Variants in CACNA1B observed in about 807,000 individuals in gnomAD.
CACNA1B encodes voltage-dependent N-type calcium channel subunit alpha-1B.
Under a neutral mutation model 247.2 loss-of-function variants are expected in CACNA1B, and 70 were observed. The ratio of observed to expected loss-of-function variants is 0.28; its 90% CI spans 0.23 to 0.35. CACNA1B has a LOEUF of 0.35. Ranked by LOEUF, CACNA1B falls within the 10% of genes least tolerant of loss-of-function variation. The pLI is 1.00. For synonymous variants in CACNA1B, 1,231 were observed against 1,294.4 expected, an observed-to-expected ratio of 0.95 and a Z score of 1.05; for missense variants, 2,367 against 3,197.4, an observed-to-expected ratio of 0.74 and a Z score of 6.26.
chr9:137,986,723 C>A lies in CACNA1B; in HGVS notation c.1902-59C>A. The A allele has an allele frequency of 6.9e-7, 1 of 1,450,544 alleles. No individual in the cohort carries two copies. The highest frequency in any genetic ancestry group is 9.7e-7 in the Non-Finnish European group (1 of 1,031,500). The allele number at this position is 1,450,544 out of a possible 1,614,324, so 89.9% of individuals were successfully genotyped here. The stretch of plus-strand genomic sequence containing the variant: ...CAGGTTGAGGCCACGCTGGAGCCTG[C>A]AGGCGCTGCCTCGCTGCTGACGGGA... On this transcript the variant is annotated intron_variant, in intron 14 of 46. Transcript: ENST00000371372. This position sits in a 1 kb window ranked among gnomAD's most constrained non-coding sequence, Gnocchi z 6.0.
At chr9:137,951,389 C>T (rs769456028) in intron 6 of CACNA1B, among the ~76,000 whole-genome samples, 6 of 152,128 alleles carry the variant, frequency 3.9e-5, no homozygotes, top group South Asian at 2.1e-4. Context: ...TGGAGATCAG[C>T]GCCCGCTGCA....
chr9:137,915,518 G>C (rs1008626970), intron 5 of CACNA1B, among the ~76,000 whole-genome samples: 1 of 152,062 alleles, frequency 6.6e-6, no homozygotes, highest in Admixed American at 6.6e-5. Flanking sequence ...TTTGTGGCTT[G>C]AACTACAAAC....
At chr9:137,894,302 ATTTTTTTTTTTTT>A (rs56794355) in intron 3 of CACNA1B, among the ~76,000 whole-genome samples, 15 of 96,074 alleles carry the variant, frequency 1.6e-4, no homozygotes, top group African/African-American at 4.3e-4. Context: ...TTGTCTCTGT[ATTTTTTTTTTTTT>A]TTTTTTTTTG....
chr9:138,113,662 T>A (rs1413845322), intron 40 of CACNA1B, among the ~76,000 whole-genome samples: 86 of 61,602 alleles, frequency 1.4e-3, no homozygotes, highest in Admixed American at 2.1e-3. Flanking sequence ...GCCCAACTCC[T>A]CCTTGTGGGA....
Position 138,049,335 on chromosome 9 carries a change from C to T in CACNA1B, c.3710+20C>T. 6.8e-7 allele frequency: 1 copy of T among 1,466,236 alleles called. No homozygotes were observed. Among genetic ancestry groups the T allele is most frequent in the Non-Finnish European group, 9.6e-7 (1 of 1,045,204 alleles). The allele number at this position is 1,466,236 out of a possible 1,614,324, so 90.8% of individuals were successfully genotyped here. A position where few individuals can be genotyped will look rare whatever the true frequency, so the allele number is the denominator to read the frequency against. ...TTTCTCGTAAGTAACGTTCGCTCTGCTCTGGCTAGGGAGAGCCCCCAGAAT... is the reference window on the plus strand; with the variant it reads ...TTTCTCGTAAGTAACGTTCGCTCTGTTCTGGCTAGGGAGAGCCCCCAGAAT... On this transcript the variant is annotated intron_variant, in intron 24 of 46. Transcript: ENST00000371372.
chr9:137,886,581 C>T (rs1288944710), intron 3 of CACNA1B, among the ~76,000 whole-genome samples: 4 of 151,318 alleles, frequency 2.6e-5, no homozygotes, highest in East Asian at 2.0e-4. Flanking sequence ...AACCTCTGCC[C>T]GGTGGCCCAT....
Position 137,909,431 on chromosome 9 carries a change from T to C in CACNA1B, c.531-3749T>C, listed in dbSNP as rs115806394. On this transcript the variant is annotated intron_variant, in intron 3 of 46. Transcript: ENST00000371372. ...GAATTTGCCTCTTCCAGGTACCTCA[T>C]GTAAGTGGGAGCGTATGTTATTTGC... 8.0e-3 allele frequency among the ~76,000 whole-genome samples: 1,222 copies of C among 152,346 alleles called. 15 individuals are homozygous for C. Among genetic ancestry groups the C allele is most frequent in the African/African-American group, 0.028 (1,175 of 41,570 alleles).
chr9:137,975,335 C>T (rs1435438866), intron 11 of CACNA1B, among the ~76,000 whole-genome samples: 2 of 152,128 alleles, frequency 1.3e-5, no homozygotes, highest in African/African-American at 4.8e-5. Context: ...TGGAGGAGGT[C>T]TACCCTCGGG....
At chr9:137,962,851 T>A (rs1266049221) in intron 10 of CACNA1B, among the ~76,000 whole-genome samples, 2 of 152,212 alleles carry the variant, frequency 1.3e-5, no homozygotes, top group East Asian at 3.9e-4. Context: ...GAAGAATGTA[T>A]ATTACGTTGT....
chr9:137,990,804 G>A lies in CACNA1B; in HGVS notation c.1974+3950G>A, dbSNP rs1166088314. Among the ~76,000 whole-genome samples, 1 of 152,204 alleles carries A rather than the reference G, an allele frequency of 6.6e-6. No individual in the cohort carries two copies. On this transcript the variant is annotated intron_variant, in intron 15 of 46. Coordinates refer to ENST00000371372, the MANE Select transcript of CACNA1B (RefSeq NM_000718.4). The surrounding 1 kb of genome is among the most constrained non-coding windows in gnomAD (Gnocchi z 4.5). The stretch of plus-strand genomic sequence containing the variant: ...TCTTGACAGACACTCCCCAGTACCA[G>A]CCTGAAGCCTGGTAGCTCCACTGGG...
chr9:137,994,682 C>T (rs534289439), intron 15 of CACNA1B, among the ~76,000 whole-genome samples: 5 of 152,212 alleles, frequency 3.3e-5, no homozygotes, highest in South Asian at 4.2e-4. Context: ...ACAAGGGAAA[C>T]GACAAAACAC....
intron 3 of CACNA1B, among the ~76,000 whole-genome samples, chr9:137,904,427 T>G (rs1957274837): frequency 6.9e-6 from 1 of 143,920 alleles, no homozygotes; most frequent in Admixed American, 7.3e-5. Context: ...AGTGCAGTGG[T>G]GTGATCATGG....
chr9:137,917,263 C>T lies in CACNA1B; in HGVS notation c.798C>T (p.Phe266=). The part of the protein sequence containing the change: ...NSTDAEPVGD[F]PCGKEAPARL... ...CAGATGCGGAGCCCGTGGGTGACTT[C>T]CCCTGTGGCAAGGAGGCCCCAGCCC... The change falls in exon 6 of 47, where the codon TTC becomes TTT. Residue 266 remains phenylalanine, a synonymous_variant. Coordinates refer to ENST00000371372, the MANE Select transcript of CACNA1B (RefSeq NM_000718.4). The surrounding 1 kb of genome is among the most constrained non-coding windows in gnomAD (Gnocchi z 5.5). 1 of 1,613,526 alleles carries T rather than the reference C, an allele frequency of 6.2e-7. No homozygotes were observed. The highest frequency in any genetic ancestry group is 8.5e-7 in the Non-Finnish European group (1 of 1,179,632).
rs1391631586 is a variant in CACNA1B at position 137,974,006 on chromosome 9, C to T, written c.1544-1901C>T. 6.6e-6 allele frequency among the ~76,000 whole-genome samples: 1 copy of T among 152,216 alleles called. No individual in the cohort carries two copies. Among genetic ancestry groups the T allele is most frequent in the Admixed American group, 6.5e-5 (1 of 15,286 alleles). Reference sequence around the variant, plus strand: ...GCCAGCAGTCCCATCTCTGGGGCCTCTCCTCCCTGGGTCCGAGCCCCTCGT... The same window carrying T: ...GCCAGCAGTCCCATCTCTGGGGCCTTTCCTCCCTGGGTCCGAGCCCCTCGT... On this transcript the variant is annotated intron_variant, in intron 11 of 46. Transcript: ENST00000371372. This position sits in a 1 kb window ranked among gnomAD's most constrained non-coding sequence, Gnocchi z 4.5.
chr9:137,949,752 A>G (rs1957857737), intron 6 of CACNA1B, among the ~76,000 whole-genome samples: 1 of 152,072 alleles, frequency 6.6e-6, no homozygotes, highest in African/African-American at 2.4e-5. Flanking sequence ...TTGGTCTTGA[A>G]TGTGGGTTGA....
intron 31 of CACNA1B, among the ~76,000 whole-genome samples, chr9:138,066,447 A>C (rs547130482): frequency 6.6e-6 from 1 of 152,224 alleles, no homozygotes; most frequent in South Asian, 2.1e-4. Flanking sequence ...ACGCTAAAAA[A>C]ATAAGAGAGA....
chr9:137,954,856 TTG>T lies in CACNA1B; in HGVS notation c.1071-819_1071-818del, dbSNP rs150496046. Among the ~76,000 whole-genome samples, 307 of 120,922 alleles carry T rather than the reference TTG, an allele frequency of 2.5e-3. 3 individuals carry two copies. Among genetic ancestry groups the T allele is most frequent in the Admixed American group, 3.1e-3 (41 of 13,194 alleles). The allele number at this position is 120,922 out of a possible 152,430, so 79.3% of individuals were successfully genotyped here. A position where few individuals can be genotyped will look rare whatever the true frequency, so the allele number is the denominator to read the frequency against. On this transcript the variant is annotated intron_variant, in intron 7 of 46. Coordinates refer to ENST00000371372, the MANE Select transcript of CACNA1B (RefSeq NM_000718.4). The surrounding 1 kb of genome is among the most constrained non-coding windows in gnomAD (Gnocchi z 4.1). ...ACACCCACTCCACCAACTCAGAAGC[TTG>T]TGTGTGTGTGTGTGTGTGTGTGAGA...
chr9:137,949,578 CAT>C (rs1160408224), intron 6 of CACNA1B, among the ~76,000 whole-genome samples: 2 of 151,928 alleles, frequency 1.3e-5, no homozygotes, highest in African/African-American at 2.4e-5. Flanking sequence ...GGAACTGGCT[CAT>C]GTGATCACAG....
rs906475487 is a variant in CACNA1B at position 137,891,790 on chromosome 9, C to T, written c.530+8907C>T. The T allele has an allele frequency of 5.4e-5, 19 of 348,906 alleles. No homozygotes were observed. The highest frequency in any genetic ancestry group is 3.7e-4 in the African/African-American group (17 of 46,554). The allele number at this position is 348,906 out of a possible 1,614,324, so 21.6% of individuals were successfully genotyped here. A position where few individuals can be genotyped will look rare whatever the true frequency, so the allele number is the denominator to read the frequency against. On this transcript the variant is annotated intron_variant, in intron 3 of 46. Transcript: ENST00000371372. This position sits in a 1 kb window ranked among gnomAD's most constrained non-coding sequence, Gnocchi z 4.3. Reference sequence around the variant, plus strand: ...CCACCCTGCGTGCCTGTGTGCAGCCCCACACGTGCTGAAGCATCTCTACTC... The same window carrying T: ...CCACCCTGCGTGCCTGTGTGCAGCCTCACACGTGCTGAAGCATCTCTACTC...
Sources: allele counts gnomAD v4.1 joint callset (sites outside exome capture counted in the v4.1 genomes callset), GRCh38; gene constraint gnomAD v4.1.1; non-coding constraint Gnocchi (gnomAD v3.1); transcripts MANE v1.5; gene names NCBI Gene and HGNC (gene_info 2026-07-23, HGNC 2026-07-21).